Variants in UBR2 observed in about 807,000 individuals in gnomAD.
UBR2 encodes ubiquitin protein ligase E3 component n-recognin 2.
Under a neutral mutation model 247.9 loss-of-function variants are expected in UBR2, and 92 were observed. The ratio of observed to expected loss-of-function variants is 0.37; its 90% CI spans 0.31 to 0.44. The LOEUF (loss-of-function observed/expected upper bound fraction) is 0.44, where lower values mean the gene tolerates loss of function less well. Among genes scored for constraint, UBR2 ranks in the 20% least tolerant of loss-of-function variants. The pLI is 1.00. For synonymous variants in UBR2, 672 were observed against 693.5 expected (o/e 0.97, Z 0.49); for missense variants, 1,613 against 2,112.6 (o/e 0.76, Z 4.64).
At chr6:42,573,330 C>G (rs1345924545) in intron 1 of UBR2, among the ~76,000 whole-genome samples, 1 of 152,162 alleles carries the variant, frequency 6.6e-6, no homozygotes, top group Non-Finnish European at 1.5e-5. Context: ...TCACCGTACA[C>G]TCTTCCTATG....
intron 36 of UBR2, among the ~76,000 whole-genome samples, chr6:42,671,360 T>C (rs1311260748): frequency 2.0e-5 from 3 of 151,072 alleles, no homozygotes; most frequent in African/African-American, 7.3e-5. Context: ...CAGTGAGCCA[T>C]GATTGTGCCC....
chr6:42,641,748 G>T (rs1266488022), intron 17 of UBR2, 56 bp downstream of exon 17: 14 of 1,457,816 alleles, frequency 9.6e-6, no homozygotes, highest in Non-Finnish European at 1.3e-5. Flanking sequence ...CTTCTGTGAA[G>T]GTTGTAATTT....
In UBR2 at chr6:42,605,713, TCA is replaced by T. The variant is rs776881171; in HGVS notation, c.663-3_663-2del. Reference sequence around the variant, plus strand: ...TAGATAATATATCATGAATATTTTATCACACAGAGAGAAGAGTGACACCTACT... The same window carrying T: ...TAGATAATATATCATGAATATTTTATCACAGAGAGAAGAGTGACACCTACT... On this transcript the variant is annotated splice_region_variant and splice_polypyrimidine_tract_variant and intron_variant, in intron 5 of 46. Transcript: ENST00000372901. 1.3e-6 allele frequency: 2 copies of T among 1,591,494 alleles called. No homozygotes were observed. Among genetic ancestry groups the T allele is most frequent in the Admixed American group, 1.9e-5 (1 of 53,484 alleles).
intron 34 of UBR2, among the ~76,000 whole-genome samples, chr6:42,669,079 A>G (rs1045473294): frequency 2.6e-5 from 4 of 151,756 alleles, no homozygotes; most frequent in Non-Finnish European, 5.9e-5. Context: ...ATGCACCACC[A>G]TGTCCCACTC....
intron 42 of UBR2, among the ~76,000 whole-genome samples, chr6:42,682,641 A>G (rs1171893654): frequency 1.3e-5 from 2 of 152,128 alleles, no homozygotes; most frequent in Non-Finnish European, 2.9e-5. Flanking sequence ...GCTGGTCTCA[A>G]ACTCCTGGGA....
chr6:42,682,411 T>C (rs1454245086), intron 42 of UBR2, among the ~76,000 whole-genome samples: 1 of 152,032 alleles, frequency 6.6e-6, no homozygotes, highest in Non-Finnish European at 1.5e-5. Context: ...ATTTTTATGT[T>C]ATATATATTT....
At position 42,637,460 on chromosome 6, in the gene UBR2, A is replaced by T. The variant is rs572892051; in HGVS notation, c.1858+266A>T. 5.3e-5 allele frequency among the ~76,000 whole-genome samples: 8 copies of T among 152,250 alleles called. No individual in the cohort carries two copies. The East Asian group carries it at 1.5e-3, about 29-fold the overall frequency. On this transcript the variant is annotated intron_variant, in intron 15 of 46. Coordinates refer to ENST00000372901, the MANE Select transcript of UBR2 (RefSeq NM_001363705.2). Reference sequence around the variant, plus strand: ...TGGCATTATGAGGAAGTTTGGCACCAGAGGCCATGTTTATAGCCGTTATAC... The same window carrying T: ...TGGCATTATGAGGAAGTTTGGCACCTGAGGCCATGTTTATAGCCGTTATAC...
intron 43 of UBR2, among the ~76,000 whole-genome samples, chr6:42,683,591 T>C (rs945656465): frequency 6.6e-6 from 1 of 152,232 alleles, no homozygotes; most frequent in Admixed American, 6.5e-5. Flanking sequence ...TACCAGATCC[T>C]AACAAGATGT....
chr6:42,666,481 C>A (rs190284987), intron 34 of UBR2, among the ~76,000 whole-genome samples: 1 of 152,054 alleles, frequency 6.6e-6, no homozygotes, highest in Non-Finnish European at 1.5e-5. Flanking sequence ...CAGAGTGAGA[C>A]CCTGTCTCAA....
intron 2 of UBR2, among the ~76,000 whole-genome samples, chr6:42,589,747 T>G (rs1020099495): frequency 1.3e-5 from 2 of 152,250 alleles, no homozygotes; most frequent in African/African-American, 4.8e-5. Flanking sequence ...TATTGAAGTC[T>G]GGATAGACTG....
intron 38 of UBR2, 114 bp from the exon 39 acceptor site, chr6:42,675,942 G>C: frequency 7.0e-7 from 1 of 1,435,744 alleles, no homozygotes; most frequent in Middle Eastern, 1.8e-4. Flanking sequence ...GGGCAACAGA[G>C]TAAGACTCTG....
intron 22 of UBR2, 80 bp downstream of exon 22, chr6:42,648,250 C>A (rs2151963979): frequency 1.7e-6 from 2 of 1,173,108 alleles, no homozygotes; most frequent in Non-Finnish European, 2.5e-6. Context: ...TTCTTTGATG[C>A]AACTGAGAAT....
At chr6:42,690,173 A>G (rs1799674434) in intron 46 of UBR2, among the ~76,000 whole-genome samples, 1 of 152,226 alleles carries the variant, frequency 6.6e-6, no homozygotes, top group Non-Finnish European at 1.5e-5. Flanking sequence ...TCCCCCAAGC[A>G]CTATTAAAGA....
intron 31 of UBR2, among the ~76,000 whole-genome samples, chr6:42,662,488 G>A (rs939303608): frequency 6.6e-6 from 1 of 152,286 alleles, no homozygotes; most frequent in Middle Eastern, 3.4e-3. Context: ...TTATATCCAA[G>A]TCTCTTCTAT....
In UBR2 at chr6:42,692,481, TATG is replaced by T. The variant is rs1799797722; in HGVS notation, c.*1310_*1312del. The T allele has an allele frequency of 2.0e-5, 3 of 152,220 alleles. No homozygotes were observed. The highest frequency in any genetic ancestry group is 7.2e-5 in the African/African-American group (3 of 41,450). 9.4% of individuals were successfully genotyped at this position (152,220 alleles called of 1,614,324 possible). A position where few individuals can be genotyped will look rare whatever the true frequency, so the allele number is the denominator to read the frequency against. On this transcript the variant is annotated 3_prime_UTR_variant, in exon 47 of 47. Coordinates refer to ENST00000372901, the MANE Select transcript of UBR2 (RefSeq NM_001363705.2). The stretch of plus-strand genomic sequence containing the variant: ...ACCACACAACTACTATTGTTTGATG[TATG>T]ACTGCTGAGAGCTTGAATACATGCA...
chr6:42,612,267 C>A lies in UBR2; in HGVS notation c.961C>A (p.Leu321Met). 6.5e-7 allele frequency: 1 copy of A among 1,530,618 alleles called. No homozygotes were observed. The highest frequency in any genetic ancestry group is 8.9e-7 in the Non-Finnish European group (1 of 1,122,224). 94.8% of individuals were successfully genotyped at this position (1,530,618 alleles called of 1,614,324 possible). A position where few individuals can be genotyped will look rare whatever the true frequency, so the allele number is the denominator to read the frequency against. ...TTTTGGTTTGAAACTTTTGTCTTGG[C>A]TGGGAAGTATTATTGGATATTCAGG... ...QNFGLKLLSWLGSIIGYSDGL... is the reference protein window; with the variant it reads ...QNFGLKLLSWMGSIIGYSDGL... Residue 321 changes from leucine to methionine, a missense_variant, in exon 8 of 47, where the codon CTG (leucine) becomes ATG (methionine). This residue lies in a region of UBR2 where 1,524 missense variants were observed against 1,967.3 expected (regional missense o/e 0.77). Coordinates refer to ENST00000372901, the MANE Select transcript of UBR2 (RefSeq NM_001363705.2).
At chr6:42,662,398 TC>T (rs2151976386) in intron 31 of UBR2, 121 bp downstream of exon 31, 3 of 624,610 alleles carry the variant, frequency 4.8e-6, no homozygotes, top group Non-Finnish European at 8.2e-6. Context: ...AAAATCCGTA[TC>T]ATTGCCTAAT....
chr6:42,671,484 T>A (rs560440277), intron 36 of UBR2, among the ~76,000 whole-genome samples: 5 of 152,296 alleles, frequency 3.3e-5, no homozygotes, highest in African/African-American at 1.2e-4. Context: ...ACCATTCATA[T>A]TTCAACTCCT....
rs1054444941 is a variant in UBR2, at chr6:42,588,729, T to C, written c.339-3422T>C. ...AGAGCTTAATCTCCAACCCCACCCC[T>C]CCCCTCTTCCGAGATTTTGGTGGGT... is the stretch of plus-strand genomic sequence containing the variant. On this transcript the variant is annotated intron_variant, in intron 2 of 46. Coordinates refer to ENST00000372901, the MANE Select transcript of UBR2 (RefSeq NM_001363705.2). 2.6e-5 allele frequency among the ~76,000 whole-genome samples: 4 copies of C among 151,900 alleles called. No individual in the cohort carries two copies. The East Asian group carries it at 5.8e-4, about 22-fold the overall frequency.
Sources: gnomAD v4.1 joint callset for allele counts (sites outside exome capture counted in the v4.1 genomes callset) on GRCh38, gnomAD v4.1.1 for gene constraint, gnomAD v4.1.1 regional missense constraint, MANE v1.5 for transcripts, NCBI Gene and HGNC (gene_info 2026-07-23, HGNC 2026-07-21) for gene names.